The following SPEN variants were observed in gnomAD, a reference collection of about 807,000 sequenced individuals.
The protein encoded by SPEN is spen family transcriptional repressor.
In SPEN, 18 loss-of-function variants were observed where a neutral mutation model predicts 269.9. That is an observed-to-expected ratio of 0.07 (90% CI 0.05 to 0.10). The LOEUF (loss-of-function observed/expected upper bound fraction) is 0.10. Among genes scored for constraint, SPEN ranks in the 10% least tolerant of loss-of-function variants. The pLI, the probability that SPEN is intolerant of heterozygous loss-of-function variation, is 1.00. For synonymous variants in SPEN, 1,726 were observed against 1,765.7 expected (o/e 0.98, Z 0.56); for missense variants, 3,822 against 4,631.2 (o/e 0.83, Z 5.07).
intron 8 of SPEN, 27 bp from the exon 9 acceptor site, chr1:15,920,842 AC>A (rs2071111021): frequency 7.1e-7 from 1 of 1,416,388 alleles, no homozygotes; most frequent in Non-Finnish European, 9.8e-7. Context: ...TGAGGCTCTT[AC>A]TTGTTTTTTG....
chr1:15,936,092 C>T lies in SPEN; in HGVS notation c.9852C>T (p.Thr3284=). 1 of 1,606,474 alleles carries T rather than the reference C, an allele frequency of 6.2e-7. No homozygotes were observed. The highest frequency in any genetic ancestry group is 8.5e-7 in the Non-Finnish European group (1 of 1,174,536). Residue 3284 remains threonine (T), a synonymous_variant, in exon 11 of 15, where the codon ACC becomes ACT. Coordinates refer to ENST00000375759, the MANE Select transcript of SPEN (RefSeq NM_015001.3). The part of the protein sequence containing the change: ...PSNQLQGLPL[T]PPVVVTHGVQ... ...ACCAACTCCAGGGGCTGCCTCTGAC[C>T]CCTCCTGTGGTGGTGACCCATGGGG...
At chr1:15,905,877 T>A (rs1232020182) in intron 3 of SPEN, among the ~76,000 whole-genome samples, 1 of 152,192 alleles carries the variant, frequency 6.6e-6, no homozygotes, top group African/African-American at 2.4e-5. Flanking sequence ...TCGGCCCTTG[T>A]TAATGATTTC....
At chr1:15,916,460 G>A (rs2071068104) in intron 6 of SPEN, among the ~76,000 whole-genome samples, 181 bp downstream of exon 6, 1 of 150,368 alleles carries the variant, frequency 6.7e-6, no homozygotes, top group East Asian at 2.0e-4. Context: ...ATATACGTGT[G>A]TAAAAATGTA....
At chr1:15,919,799 TTTATC>T (rs2071099258) in intron 8 of SPEN, among the ~76,000 whole-genome samples, 3 of 152,200 alleles carry the variant, frequency 2.0e-5, no homozygotes, top group Non-Finnish European at 4.4e-5. Context: ...TTTTTATAAT[TTTATC>T]TTACATTAAA....
intron 1 of SPEN, among the ~76,000 whole-genome samples, chr1:15,850,869 T>C (rs1330083920): frequency 6.6e-6 from 1 of 152,212 alleles, no homozygotes; most frequent in African/African-American, 2.4e-5. Context: ...ATATTAAAAC[T>C]GAACTTTAAG....
chr1:15,849,678 C>A (rs1385883426), intron 1 of SPEN, among the ~76,000 whole-genome samples: 2 of 152,222 alleles, frequency 1.3e-5, no homozygotes, highest in East Asian at 3.9e-4. Context: ...GGGGAGACCA[C>A]GGGCTGGATT....
At chr1:15,890,451 C>T (rs924990619) in intron 3 of SPEN, among the ~76,000 whole-genome samples, 43 of 151,358 alleles carry the variant, frequency 2.8e-4, no homozygotes, top group African/African-American at 9.9e-4. Flanking sequence ...AGGCTGGTCT[C>T]GAACTCTTGA....
intron 3 of SPEN, among the ~76,000 whole-genome samples, chr1:15,879,356 G>A (rs1483669932): frequency 2.0e-5 from 3 of 152,014 alleles, no homozygotes; most frequent in Non-Finnish European, 4.4e-5. Context: ...TAATGGATCC[G>A]CCCTCAGAAC....
chr1:15,901,645 A>T (rs1226764770), intron 3 of SPEN, among the ~76,000 whole-genome samples: 2 of 139,362 alleles, frequency 1.4e-5, no homozygotes, highest in Admixed American at 1.4e-4. Context: ...GTGAGACTCC[A>T]TCTCAAAAAA....
At chr1:15,915,881 T>G (rs2071062570) in intron 5 of SPEN, among the ~76,000 whole-genome samples, 1 of 151,832 alleles carries the variant, frequency 6.6e-6, no homozygotes, top group Admixed American at 6.6e-5. Flanking sequence ...TTTTAAAGGT[T>G]AAACAAAGTG....
intron 5 of SPEN, among the ~76,000 whole-genome samples, chr1:15,915,661 A>G (rs1028698900): frequency 1.3e-5 from 2 of 152,064 alleles, no homozygotes; most frequent in Admixed American, 1.3e-4. Flanking sequence ...CCGCTTCCCA[A>G]ATAGCTGAGA....
At chr1:15,885,794 A>C (rs1050345032) in intron 3 of SPEN, among the ~76,000 whole-genome samples, 14 of 152,182 alleles carry the variant, frequency 9.2e-5, no homozygotes, top group Non-Finnish European at 4.4e-5. Flanking sequence ...TGGACAAGAA[A>C]TACACCAAAA....
In SPEN at chr1:15,934,773, A is replaced by G. The variant is rs746033660; in HGVS notation, c.8533A>G (p.Ile2845Val). Reference protein sequence around the residue: ...SQIPPASAMDIEFQQSVSKSQ... With the variant: ...SQIPPASAMDVEFQQSVSKSQ... Reference sequence around the variant, plus strand: ...GATCCCCCCGGCCAGTGCAATGGACATTGAATTTCAGCAGTCAGTGTCCAA... The same window carrying G: ...GATCCCCCCGGCCAGTGCAATGGACGTTGAATTTCAGCAGTCAGTGTCCAA... Residue 2845 changes from isoleucine (I) to valine (V), a missense_variant, in exon 11 of 15, where the codon ATT (isoleucine) becomes GTT (valine). Around this residue, in one of 16 missense-constraint regions of SPEN, gnomAD observed 329 missense variants for 431.2 expected, o/e 0.76. Transcript: ENST00000375759. This position sits in a 1 kb window ranked among gnomAD's most constrained non-coding sequence, Gnocchi z 9.2. 1 of 1,614,198 alleles carries G rather than the reference A, an allele frequency of 6.2e-7. No individual in the cohort carries two copies. The highest frequency in any genetic ancestry group is 1.3e-5 in the African/African-American group (1 of 75,036).
In SPEN at chr1:15,932,449, A is replaced by G; in HGVS notation, c.6209A>G (p.Glu2070Gly). The change falls in exon 11 of 15, where the codon GAA becomes GGA. Residue 2070 changes from glutamate (E) to glycine (G), a missense_variant. Transcript: ENST00000375759. The surrounding 1 kb of genome is among the most constrained non-coding windows in gnomAD (Gnocchi z 4.2). ...GTTGTAGAGAAAAAACCGGCCCCTGAAAAAAACTCCAAATCAAAGAGAGGA... is the reference window on the plus strand; with the variant it reads ...GTTGTAGAGAAAAAACCGGCCCCTGGAAAAAACTCCAAATCAAAGAGAGGA... ...VEVVEKKPAP[E>G]KNSKSKRGRS... 6.2e-7 allele frequency: 1 copy of G among 1,612,984 alleles called. No individual in the cohort carries two copies. Among genetic ancestry groups the G allele is most frequent in the Non-Finnish European group, 8.5e-7 (1 of 1,179,646 alleles).
intron 3 of SPEN, among the ~76,000 whole-genome samples, chr1:15,882,178 A>C (rs757842989): frequency 1.3e-5 from 2 of 152,130 alleles, no homozygotes; most frequent in African/African-American, 2.4e-5. Context: ...ATGTGCTGCT[A>C]TGTACTGCTC....
chr1:15,865,785 G>T (rs79726518), intron 1 of SPEN, among the ~76,000 whole-genome samples: 1 of 151,752 alleles, frequency 6.6e-6, no homozygotes, highest in Non-Finnish European at 1.5e-5. Flanking sequence ...ACTCTGTATA[G>T]TTAGGAAATC....
At chr1:15,886,547 T>G (rs778918666) in intron 3 of SPEN, among the ~76,000 whole-genome samples, 14 of 152,136 alleles carry the variant, frequency 9.2e-5, no homozygotes, top group Non-Finnish European at 1.9e-4. Flanking sequence ...CGGCTGTGCC[T>G]TAGTGTTCCT....
chr1:15,873,145 C>A lies in SPEN; in HGVS notation c.404+9C>A. On this transcript the variant is annotated intron_variant, in intron 2 of 14. Transcript: ENST00000375759. ...GAGCGGAGACTTGATGGGTAAGTTC[C>A]AAGGTTTCTGTAGGCAGGTATTTTG... The A allele has an allele frequency of 6.3e-7, 1 of 1,592,194 alleles. No individual in the cohort carries two copies. Among genetic ancestry groups the A allele is most frequent in the South Asian group, 1.1e-5 (1 of 89,558 alleles).
rs1437300696 is a variant in SPEN at position 15,932,271 on chromosome 1, C to T, written c.6031C>T (p.Pro2011Ser). Residue 2011 changes from proline to serine, a missense_variant, in exon 11 of 15, where the codon CCT (proline) becomes TCT (serine). By Grantham distance (74) the Pro-to-Ser change is moderately conservative. This residue lies in a region of SPEN where 727 missense variants were observed against 737.9 expected (regional missense o/e 0.99). Coordinates refer to ENST00000375759, the MANE Select transcript of SPEN (RefSeq NM_015001.3). The surrounding 1 kb of genome is among the most constrained non-coding windows in gnomAD (Gnocchi z 4.2). ...KNEPKVDATR[P>S]EATTEVGPQI... ...TGAACCGAAGGTGGATGCTACACGT[C>T]CTGAGGCCACCACTGAGGTGGGCCC... 1 of 1,609,300 alleles carries T rather than the reference C, an allele frequency of 6.2e-7. No homozygotes were observed. Among genetic ancestry groups the T allele is most frequent in the African/African-American group, 1.3e-5 (1 of 74,488 alleles).
Sources: allele counts gnomAD v4.1 joint callset (sites outside exome capture counted in the v4.1 genomes callset), GRCh38; gene constraint gnomAD v4.1.1; regional missense constraint gnomAD v4.1.1; non-coding constraint Gnocchi (gnomAD v3.1); transcripts MANE v1.5; gene names NCBI Gene and HGNC (gene_info 2026-07-23, HGNC 2026-07-21).